The following ATRNL1 variants were observed in gnomAD, a reference collection of about 807,000 sequenced individuals.
ATRNL1 encodes attractin-like protein 1.
A neutral mutation model predicts 182.7 loss-of-function variants in ATRNL1; 95 were observed. That is an observed-to-expected ratio of 0.52 (90% CI 0.44 to 0.62). The LOEUF is 0.62. Ranked by LOEUF, ATRNL1 falls within the 20% of genes least tolerant of loss-of-function variation. The pLI is 0.00. For synonymous variants in ATRNL1, 576 were observed against 568.3 expected, an observed-to-expected ratio of 1.01 and a Z score of -0.19; for missense variants, 1,471 against 1,679.5, an observed-to-expected ratio of 0.88 and a Z score of 2.17.
At chr10:115,738,154 T>TTTTTTTTTTGTTTTC (rs71010046) in intron 27 of ATRNL1, among the ~76,000 whole-genome samples, 1 of 63,870 alleles carries the variant, frequency 1.6e-5, no homozygotes, top group Non-Finnish European at 3.3e-5. Context: ...TTTTTTTTTT[T>TTTTTTTTTTGTTTTC]TTGAGATGGA....
chr10:115,691,307 A>G (rs1325628304), intron 26 of ATRNL1, among the ~76,000 whole-genome samples: 2 of 152,264 alleles, frequency 1.3e-5, no homozygotes, highest in Admixed American at 6.5e-5. Flanking sequence ...TTTTTGGGTA[A>G]TAAGCATCCT....
chr10:115,260,570 A>G (rs530797834), intron 10 of ATRNL1, among the ~76,000 whole-genome samples: 1 of 152,326 alleles, frequency 6.6e-6, no homozygotes, highest in Admixed American at 6.5e-5. Context: ...ACAATTACAA[A>G]AAGTTACTAA....
chr10:115,761,625 C>T (rs912292403), intron 27 of ATRNL1, among the ~76,000 whole-genome samples: 1 of 152,136 alleles, frequency 6.6e-6, no homozygotes, highest in African/African-American at 2.4e-5. Flanking sequence ...AAAATAACAG[C>T]ACATTTGCTG....
At chr10:115,385,346 T>C (rs1592570957) in intron 19 of ATRNL1, among the ~76,000 whole-genome samples, 1 of 152,132 alleles carries the variant, frequency 6.6e-6, no homozygotes, top group Non-Finnish European at 1.5e-5. Flanking sequence ...AAGTTGTCTA[T>C]CTTTTCTGCT....
At chr10:115,798,472 C>A (rs1949712175) in intron 27 of ATRNL1, among the ~76,000 whole-genome samples, 1 of 152,070 alleles carries the variant, frequency 6.6e-6, no homozygotes, top group South Asian at 2.1e-4. Context: ...CTCAGAAGAC[C>A]CATTGTGTGG....
chr10:115,946,381 G>A lies in ATRNL1; in HGVS notation c.*1602G>A, dbSNP rs571629684. 6.6e-6 allele frequency: 1 copy of A among 152,226 alleles called. No individual in the cohort carries two copies. Among genetic ancestry groups the A allele is most frequent in the South Asian group, 2.1e-4 (1 of 4,822 alleles). 9.4% of individuals were successfully genotyped at this position (152,226 alleles called of 1,614,324 possible). ...TAGCTGAATTTGATGAGGATTGAAT[G>A]TCATATATAAGAGGAATGATCATAC... On this transcript the variant is annotated 3_prime_UTR_variant, in exon 29 of 29. Transcript: ENST00000355044.
intron 9 of ATRNL1, among the ~76,000 whole-genome samples, chr10:115,226,499 C>A (rs1023441267): frequency 1.3e-5 from 2 of 151,140 alleles, no homozygotes; most frequent in Non-Finnish European, 3.0e-5. Flanking sequence ...CTATACTGGC[C>A]AAAGCAATTT....
chr10:115,315,771 T>G (rs782051870), intron 18 of ATRNL1, 35 bp downstream of exon 18: 1 of 1,537,900 alleles, frequency 6.5e-7, no homozygotes. Flanking sequence ...TTTCAGTTTC[T>G]GCTTAAGGGA....
chr10:115,920,474 C>T (rs568771795), intron 28 of ATRNL1, among the ~76,000 whole-genome samples: 2 of 152,324 alleles, frequency 1.3e-5, no homozygotes, highest in Non-Finnish European at 1.5e-5. Context: ...CTGAGACACT[C>T]ACCCATTCCC....
intron 26 of ATRNL1, among the ~76,000 whole-genome samples, chr10:115,580,515 T>C (rs960855206): frequency 1.3e-5 from 2 of 152,114 alleles, no homozygotes; most frequent in Admixed American, 1.3e-4. Flanking sequence ...GCTTTCAAAA[T>C]TCTCTCGGTC....
At chr10:115,392,402 C>A (rs1844074730) in intron 19 of ATRNL1, among the ~76,000 whole-genome samples, 1 of 152,038 alleles carries the variant, frequency 6.6e-6, no homozygotes, top group Non-Finnish European at 1.5e-5. Context: ...ATATAAGGAA[C>A]TCCTGAGAAT....
At chr10:115,847,493 A>G (rs1174387530) in intron 27 of ATRNL1, among the ~76,000 whole-genome samples, 1 of 152,290 alleles carries the variant, frequency 6.6e-6, no homozygotes, top group Middle Eastern at 3.4e-3. Flanking sequence ...ATATCAAAAC[A>G]TCATGTTGTA....
At chr10:115,633,171 A>G (rs1281047650) in intron 26 of ATRNL1, among the ~76,000 whole-genome samples, 2 of 152,148 alleles carry the variant, frequency 1.3e-5, no homozygotes, top group East Asian at 1.9e-4. Flanking sequence ...TCGGCCACCC[A>G]AAGTGCTGGG....
intron 26 of ATRNL1, among the ~76,000 whole-genome samples, chr10:115,691,850 T>C (rs1030791429): frequency 2.6e-5 from 4 of 152,244 alleles, no homozygotes; most frequent in Non-Finnish European, 5.9e-5. Context: ...ATTTTGTTTA[T>C]ATTTTTTGGA....
At chr10:115,233,959 C>T (rs1554900698) in intron 9 of ATRNL1, among the ~76,000 whole-genome samples, 1 of 151,596 alleles carries the variant, frequency 6.6e-6, no homozygotes, top group East Asian at 1.9e-4. Flanking sequence ...TTCATGTCAG[C>T]TCTTTGGTGG....
At chr10:115,864,342 G>A (rs952545260) in intron 28 of ATRNL1, among the ~76,000 whole-genome samples, 8 of 151,856 alleles carry the variant, frequency 5.3e-5, no homozygotes, top group African/African-American at 1.7e-4. Flanking sequence ...ATTAATGGAT[G>A]TAGAAATAAG....
rs191224613 is a variant in ATRNL1 at position 115,916,989 on chromosome 10, C to T, written c.4019-27669C>T. Among the ~76,000 whole-genome samples, 5 of 152,306 alleles carry T rather than the reference C, an allele frequency of 3.3e-5. No homozygotes were observed. In the East Asian group the frequency reaches 9.7e-4, roughly 29 times the overall value. The stretch of plus-strand genomic sequence containing the variant: ...CGCAAAAAATTAAGTTCCCAGTTTT[C>T]ACTTTTGCAATACAAGTGAAGAGAG... On this transcript the variant is annotated intron_variant, in intron 28 of 28. Coordinates refer to ENST00000355044, the MANE Select transcript of ATRNL1 (RefSeq NM_207303.4).
chr10:115,101,870 T>A (rs1401159579), intron 1 of ATRNL1, among the ~76,000 whole-genome samples: 1 of 152,246 alleles, frequency 6.6e-6, no homozygotes, highest in African/African-American at 2.4e-5. Context: ...ACATTCAACT[T>A]ATTTAATATA....
At chr10:115,651,294 G>A (rs375258618) in intron 26 of ATRNL1, among the ~76,000 whole-genome samples, 24 of 152,148 alleles carry the variant, frequency 1.6e-4, no homozygotes, top group East Asian at 3.9e-4. Flanking sequence ...GGGATCATTC[G>A]TACCCTAAAC....
Sources: gnomAD v4.1 joint callset for allele counts (sites outside exome capture counted in the v4.1 genomes callset) on GRCh38, gnomAD v4.1.1 for gene constraint, MANE v1.5 for transcripts, NCBI Gene and HGNC (gene_info 2026-07-23, HGNC 2026-07-21) for gene names.